TKTL1: variants seen among roughly 807,000 people sequenced by gnomAD.
TKTL1 encodes the protein transketolase like 1.
In TKTL1, 1 loss-of-function variant was observed where a neutral mutation model predicts 39.3. The ratio of observed to expected loss-of-function variants is 0.03; its 90% CI spans 0.01 to 0.12. The LOEUF is 0.12. TKTL1 is among the 10% of genes least tolerant of loss of function. TKTL1 has a pLI of 1.00. For synonymous variants in TKTL1, 262 were observed against 193.8 expected (o/e 1.35, Z -2.92); for missense variants, 575 against 509.6 (o/e 1.13, Z -1.24).
chrX:154,328,601 C>T (rs1258558415), intron 12 of TKTL1, among the ~76,000 whole-genome samples: 1 of 87,331 alleles, frequency 1.1e-5, no homozygotes, highest in African/African-American at 4.0e-5. Context: ...AAGTGTGCCC[C>T]GACGAAAGCA....
chrX:154,323,472 CA>C (rs199864954), intron 9 of TKTL1, 135 bp downstream of exon 9: 17 of 736,011 alleles, frequency 2.3e-5, no homozygotes, highest in East Asian at 1.0e-4. Context: ...GAATTCTTTA[CA>C]AAAAAAACAG....
At chrX:154,299,625 C>G (rs183916427) in intron 1 of TKTL1, among the ~76,000 whole-genome samples, 1 of 111,208 alleles carries the variant, frequency 9.0e-6, no homozygotes, top group Admixed American at 9.7e-5. Context: ...CTACCTTCCC[C>G]CTTCATTCTC....
At chrX:154,298,120 A>G (rs1180681457) in intron 1 of TKTL1, among the ~76,000 whole-genome samples, 1 of 111,181 alleles carries the variant, frequency 9.0e-6, no homozygotes, top group Non-Finnish European at 1.9e-5. Context: ...CATTTCTTGT[A>G]GGTTAGTCCA....
intron 7 of TKTL1, among the ~76,000 whole-genome samples, chrX:154,319,905 T>G (rs782243690): frequency 5.4e-5 from 6 of 112,024 alleles, no homozygotes; most frequent in Non-Finnish European, 7.5e-5. Context: ...GTTTGAAGCC[T>G]TCTGGGGTAT....
At chrX:154,307,846 A>G (rs1557167536) in intron 2 of TKTL1, among the ~76,000 whole-genome samples, 1 of 112,108 alleles carries the variant, frequency 8.9e-6, no homozygotes, top group Admixed American at 9.5e-5. Flanking sequence ...AGGCATAGTC[A>G]AAAGAGACTT....
intron 7 of TKTL1, among the ~76,000 whole-genome samples, chrX:154,319,246 G>A (rs1385588215): frequency 7.1e-5 from 8 of 112,467 alleles, no homozygotes; most frequent in African/African-American, 2.6e-4. Flanking sequence ...TTCATGTAAA[G>A]TTGTTTATAA....
chrX:154,326,919 G>A (rs1269854581), intron 10 of TKTL1, among the ~76,000 whole-genome samples: 1 of 112,055 alleles, frequency 8.9e-6, no homozygotes, highest in Non-Finnish European at 1.9e-5. Context: ...TAAAGAATGG[G>A]GTGGCTCAGA....
In TKTL1 at chrX:154,327,954, G is replaced by A. The variant is rs1194094334; in HGVS notation, c.1614G>A (p.Pro538=). Residue 538 remains proline, a synonymous_variant, in exon 12 of 13, where the codon CCG becomes CCA. Coordinates refer to ENST00000369915, the MANE Select transcript of TKTL1 (RefSeq NM_012253.4). ...TCATTACAGTGGAGGATCACTACCC[G>A]CAAGGTGTGTGTGGGCATTGAGAAT... ...GRIITVEDHY[P]QGGIGEAVCA... 6 of 1,209,641 alleles carry A rather than the reference G, an allele frequency of 5.0e-6. No homozygotes were observed. The African/African-American group carries it at 7.0e-5, about 14-fold the overall frequency.
Position 154,321,003 on chromosome X carries a change from T to C in TKTL1, c.1186+90T>C, listed in dbSNP as rs905272240. ...ATTGGTTAAACCACGAATTTCCTTA[T>C]GGTTCCATGAAGTTTGATTATTCAA... On this transcript the variant is annotated intron_variant, in intron 8 of 12. Transcript: ENST00000369915. The C allele has an allele frequency of 1.3e-5, 13 of 1,013,674 alleles. No individual in the cohort carries two copies. The South Asian group carries it at 2.2e-4, about 17-fold the overall frequency. 83.5% of individuals were successfully genotyped at this position (1,013,674 alleles called of 1,213,427 possible).
chrX:154,300,976 T>G (rs1210081730), intron 1 of TKTL1, among the ~76,000 whole-genome samples: 1 of 110,083 alleles, frequency 9.1e-6, no homozygotes, highest in Non-Finnish European at 1.9e-5. Context: ...ATTACAGATG[T>G]GAGCCAACCG....
intron 1 of TKTL1, among the ~76,000 whole-genome samples, chrX:154,299,149 C>CTTTTTTTT (rs1180562974): frequency 2.8e-5 from 1 of 35,921 alleles, no homozygotes; most frequent in African/African-American, 1.1e-4. Flanking sequence ...CTTTTTCTTT[C>CTTTTTTTT]TTTTTTTTTT....
intron 8 of TKTL1, among the ~76,000 whole-genome samples, chrX:154,322,259 C>G (rs1008456951): frequency 2.0e-5 from 2 of 99,112 alleles, no homozygotes; most frequent in African/African-American, 7.6e-5. Context: ...AAAGCCAGAG[C>G]GGTGGCTCAC....
intron 10 of TKTL1, chrX:154,327,304 A>G: frequency 2.0e-6 from 1 of 492,332 alleles, no homozygotes; most frequent in Non-Finnish European, 3.9e-6. Context: ...GTTCTCATTA[A>G]CATGTTAGTC....
At chrX:154,325,526 T>C in intron 10 of TKTL1, 104 bp downstream of exon 10, 1 of 714,294 alleles carries the variant, frequency 1.4e-6, no homozygotes, top group Non-Finnish European at 2.1e-6. Context: ...TCATCCTTTC[T>C]TTGCTCTCAT....
chrX:154,302,063 C>G (rs1306788300), intron 1 of TKTL1, among the ~76,000 whole-genome samples: 17 of 110,833 alleles, frequency 1.5e-4, no homozygotes, highest in African/African-American at 5.3e-4. Flanking sequence ...ACACACAGTC[C>G]GATGAGGTGA....
chrX:154,304,842 C>T, intron 1 of TKTL1: 1 of 354,122 alleles, frequency 2.8e-6, no homozygotes, highest in Non-Finnish European at 4.8e-6. Flanking sequence ...GCAGCAGTTA[C>T]TTTGGCAGCA....
intron 7 of TKTL1, among the ~76,000 whole-genome samples, chrX:154,318,002 C>G (rs1557169711): frequency 8.9e-6 from 1 of 112,140 alleles, no homozygotes. Context: ...GTGGCCGCTC[C>G]ACACCACTAA....
intron 1 of TKTL1, among the ~76,000 whole-genome samples, chrX:154,297,036 C>T (rs2067235289): frequency 9.0e-6 from 1 of 111,433 alleles, no homozygotes; most frequent in East Asian, 2.8e-4. Context: ...CTCACGCCTG[C>T]AGTCTCAGTA....
intron 8 of TKTL1, 53 bp downstream of exon 8, chrX:154,320,966 G>T: frequency 8.7e-7 from 1 of 1,143,147 alleles, no homozygotes; most frequent in Non-Finnish European, 1.2e-6. Context: ...CACAGAGAAA[G>T]ATTAGCATGT....
Sources: gnomAD v4.1 joint callset for allele counts (sites outside exome capture counted in the v4.1 genomes callset) on GRCh38, gnomAD v4.1.1 for gene constraint, MANE v1.5 for transcripts, NCBI Gene and HGNC (gene_info 2026-07-23, HGNC 2026-07-21) for gene names.